The following SCG5 variants were observed in gnomAD, a reference collection of about 807,000 sequenced individuals.
The protein encoded by SCG5 is secretogranin V.
A neutral mutation model predicts 25.7 loss-of-function variants in SCG5; 18 were observed. The observed-to-expected ratio is 0.70, with a 90% CI of 0.48 to 1.04. The LOEUF (loss-of-function observed/expected upper bound fraction) is 1.04, where lower values mean the gene tolerates loss of function less well. SCG5 is among the 50% of genes least tolerant of loss of function. The pLI is 0.00. For synonymous variants in SCG5, 101 were observed against 91.7 expected, an observed-to-expected ratio of 1.10 and a Z score of -0.58; for missense variants, 206 against 259.8, an observed-to-expected ratio of 0.79 and a Z score of 1.42.
intron 5 of SCG5, chr15:32,692,102 G>A: frequency 8.7e-7 from 1 of 1,148,872 alleles, no homozygotes; most frequent in Non-Finnish European, 1.1e-6. Flanking sequence ...GGGTCTGTAG[G>A]CCAGTGGGGA....
At chr15:32,668,399 T>C (rs1192549535) in intron 2 of SCG5, among the ~76,000 whole-genome samples, 1 of 152,252 alleles carries the variant, frequency 6.6e-6, no homozygotes, top group Non-Finnish European at 1.5e-5. Flanking sequence ...CAAAAGGCCT[T>C]GTCAGACTCA....
intron 2 of SCG5, among the ~76,000 whole-genome samples, chr15:32,644,193 T>G (rs1369973821): frequency 2.0e-5 from 3 of 152,166 alleles, no homozygotes; most frequent in African/African-American, 7.2e-5. Context: ...AACCCAGACA[T>G]GATGTTTTCT....
At chr15:32,673,527 C>CGTGTGTGT (rs55968956) in intron 2 of SCG5, among the ~76,000 whole-genome samples, 16,963 of 134,748 alleles carry the variant, frequency 0.13, 1,233 homozygotes, top group Middle Eastern at 0.18. Flanking sequence ...ATAAGATCCC[C>CGTGTGTGT]GTGTGTGTGT....
chr15:32,654,744 C>T (rs912409869), intron 2 of SCG5, among the ~76,000 whole-genome samples: 2 of 152,124 alleles, frequency 1.3e-5, no homozygotes, highest in African/African-American at 4.8e-5. Flanking sequence ...GTATCTGCCT[C>T]GCTTTTTGTG....
intron 3 of SCG5, among the ~76,000 whole-genome samples, chr15:32,680,599 G>A (rs2054603072): frequency 6.6e-6 from 1 of 152,028 alleles, no homozygotes; most frequent in Admixed American, 6.6e-5. Flanking sequence ...GTTAGTTTGT[G>A]GATTATCCAT....
intron 5 of SCG5, among the ~76,000 whole-genome samples, chr15:32,695,162 C>A (rs1357080265): frequency 1.3e-5 from 2 of 152,106 alleles, no homozygotes; most frequent in South Asian, 2.1e-4. Context: ...ACTACAGGGG[C>A]CCACCACCAC....
chr15:32,668,829 C>T (rs1176685090), intron 2 of SCG5, among the ~76,000 whole-genome samples: 1 of 152,222 alleles, frequency 6.6e-6, no homozygotes, highest in Non-Finnish European at 1.5e-5. Flanking sequence ...TTCTCTCTTC[C>T]CTAAGCTCCT....
chr15:32,658,993 G>A (rs1013936327), intron 2 of SCG5, among the ~76,000 whole-genome samples: 22 of 152,206 alleles, frequency 1.4e-4, no homozygotes, highest in African/African-American at 4.8e-4. Context: ...TGGCTAACAC[G>A]GTGAAACCCT....
At chr15:32,693,869 G>T (rs1229667693) in intron 5 of SCG5, among the ~76,000 whole-genome samples, 2 of 152,190 alleles carry the variant, frequency 1.3e-5, no homozygotes, top group African/African-American at 4.8e-5. Flanking sequence ...CAGCACTTTG[G>T]GAGGCCGAGG....
intron 2 of SCG5, among the ~76,000 whole-genome samples, chr15:32,646,110 C>T (rs1200556088): frequency 6.6e-6 from 1 of 151,942 alleles, no homozygotes; most frequent in Non-Finnish European, 1.5e-5. Context: ...CCACCACACC[C>T]GGCCTAACAT....
chr15:32,643,227 G>T (rs1281488611), intron 1 of SCG5, among the ~76,000 whole-genome samples: 1 of 152,166 alleles, frequency 6.6e-6, no homozygotes, highest in Non-Finnish European at 1.5e-5. Flanking sequence ...AAGCAAGTTT[G>T]GTTTATTTGT....
At chr15:32,667,048 T>C (rs944870764) in intron 2 of SCG5, among the ~76,000 whole-genome samples, 2 of 152,234 alleles carry the variant, frequency 1.3e-5, no homozygotes, top group African/African-American at 4.8e-5. Context: ...AAAAGTCTCT[T>C]TGGCAATTCT....
chr15:32,682,499 C>T (rs2140577556), intron 3 of SCG5, among the ~76,000 whole-genome samples: 1 of 152,292 alleles, frequency 6.6e-6, no homozygotes, highest in East Asian at 1.9e-4. Flanking sequence ...CAAAATCATA[C>T]AGACCTGTGG....
At chr15:32,653,992 T>C (rs927330141) in intron 2 of SCG5, among the ~76,000 whole-genome samples, 12 of 152,226 alleles carry the variant, frequency 7.9e-5, no homozygotes, top group African/African-American at 2.9e-4. Context: ...TGAATCTCTC[T>C]AACAGAGTCT....
chr15:32,642,595 A>AAAG (rs2053882818), intron 1 of SCG5, among the ~76,000 whole-genome samples: 4 of 137,162 alleles, frequency 2.9e-5, no homozygotes, highest in Non-Finnish European at 4.7e-5. Flanking sequence ...AAAAAAAAAA[A>AAAG]GGGTTTGCAA....
At chr15:32,678,904 T>C (rs1433048888) in intron 2 of SCG5, among the ~76,000 whole-genome samples, 1 of 152,200 alleles carries the variant, frequency 6.6e-6, no homozygotes. Flanking sequence ...TAGAAATGAA[T>C]ATATACTTAG....
At chr15:32,663,061 ATATATATATATATATAT>A (rs770287772) in intron 2 of SCG5, among the ~76,000 whole-genome samples, 8,743 of 68,828 alleles carry the variant, frequency 0.13, 617 homozygotes, top group South Asian at 0.26. Context: ...ATATATATAT[ATATATATATATATATAT>A]AATATATAAT....
At chr15:32,654,398 A>G (rs929786256) in intron 2 of SCG5, among the ~76,000 whole-genome samples, 11 of 152,214 alleles carry the variant, frequency 7.2e-5, no homozygotes, top group African/African-American at 2.7e-4. Context: ...AGGCTTCAAC[A>G]TGTAAATTTT....
intron 3 of SCG5, among the ~76,000 whole-genome samples, chr15:32,681,359 A>G (rs2054617292): frequency 6.6e-6 from 1 of 152,208 alleles, no homozygotes; most frequent in Non-Finnish European, 1.5e-5. Flanking sequence ...GGTAACAAGT[A>G]GCTGAACCAA....
Sources: allele counts gnomAD v4.1 joint callset (sites outside exome capture counted in the v4.1 genomes callset), GRCh38; gene constraint gnomAD v4.1.1; transcripts MANE v1.5; gene names NCBI Gene and HGNC (gene_info 2026-07-23, HGNC 2026-07-21).